The following MORN1 variants were observed in gnomAD, a reference collection of about 807,000 sequenced individuals.
MORN1 encodes MORN repeat-containing protein 1.
In MORN1, 67 loss-of-function variants were observed where a neutral mutation model predicts 61.9. That is an observed-to-expected ratio of 1.08 (90% CI 0.89 to 1.33). The LOEUF is 1.33. Ranked by LOEUF, MORN1 falls within the 40% of genes most tolerant of loss-of-function variation. The probability of loss-of-function intolerance (pLI) is 0.00; values close to 1 mark genes in which losing one functional copy is unlikely to be tolerated. For missense variants in MORN1, 752 were observed against 691.2 expected, an observed-to-expected ratio of 1.09 and a Z score of -0.99; for synonymous variants, 301 against 292.0, an observed-to-expected ratio of 1.03 and a Z score of -0.31.
At chr1:2,333,966 C>T (rs958528573) in intron 12 of MORN1, among the ~76,000 whole-genome samples, 18 of 152,162 alleles carry the variant, frequency 1.2e-4, no homozygotes, top group Non-Finnish European at 2.4e-4. Flanking sequence ...CAGGTCTGGA[C>T]GCTGGTTGGG....
chr1:2,371,256 C>T (rs1044162058), intron 8 of MORN1: 2 of 151,864 alleles, frequency 1.3e-5, no homozygotes, highest in Non-Finnish European at 2.9e-5. Flanking sequence ...GAAGAAAGAT[C>T]TCCTGGGCTC....
At chr1:2,358,457 C>T (rs1327131685) in intron 9 of MORN1, 135 bp downstream of exon 9, 16 of 1,199,116 alleles carry the variant, frequency 1.3e-5, no homozygotes, top group East Asian at 2.5e-5. Flanking sequence ...TTCCTTAGAA[C>T]AGACATCGAA....
intron 8 of MORN1, among the ~76,000 whole-genome samples, chr1:2,370,112 A>T (rs1642081902): frequency 6.6e-6 from 1 of 152,242 alleles, no homozygotes; most frequent in African/African-American, 2.4e-5. Flanking sequence ...GAATCCAGAT[A>T]GCGTGGCCCT....
chr1:2,357,375 C>A lies in MORN1; in HGVS notation c.1036+57G>T. The A allele has an allele frequency of 6.5e-7, 1 of 1,527,898 alleles. No homozygotes were observed. Among genetic ancestry groups the A allele is most frequent in the Non-Finnish European group, 8.8e-7 (1 of 1,132,906 alleles). 94.6% of individuals were successfully genotyped at this position (1,527,898 alleles called of 1,614,324 possible). A position where few individuals can be genotyped will look rare whatever the true frequency, so the allele number is the denominator to read the frequency against. On this transcript the variant is annotated intron_variant, in intron 10 of 13. Coordinates refer to ENST00000378531, the MANE Select transcript of MORN1 (RefSeq NM_024848.3). This position sits in a 1 kb window ranked among gnomAD's most constrained non-coding sequence, Gnocchi z 6.3. ...CTGGGTCCCCATGACCCCACCCCCA[C>A]CTTGACTGCTGGGCCTGGGCCCACC...
At chr1:2,353,947 A>G (rs927929340) in intron 10 of MORN1, among the ~76,000 whole-genome samples, 2 of 152,250 alleles carry the variant, frequency 1.3e-5, no homozygotes, top group Non-Finnish European at 2.9e-5. Context: ...AGCCCGATAA[A>G]TCAGTCCTAA....
chr1:2,391,376 G>A (rs1459538560), intron 1 of MORN1, 82 bp downstream of exon 1: 3 of 1,233,762 alleles, frequency 2.4e-6, no homozygotes, highest in Non-Finnish European at 3.1e-6. Context: ...GTGAGCATTT[G>A]GGGGTCGAGG....
At chr1:2,355,441 T>A in intron 10 of MORN1, 2 of 1,550,370 alleles carry the variant, frequency 1.3e-6, no homozygotes, top group East Asian at 4.9e-5. Context: ...AGGAGACTCG[T>A]CTGATCCTAG....
rs1229349436 is a variant in MORN1 at position 2,337,363 on chromosome 1, G to A, written c.1037-513C>T. 1.3e-5 allele frequency among the ~76,000 whole-genome samples: 2 copies of A among 152,178 alleles called. No homozygotes were observed. Among genetic ancestry groups the A allele is most frequent in the Non-Finnish European group, 2.9e-5 (2 of 68,020 alleles). On this transcript the variant is annotated intron_variant, in intron 10 of 13. Transcript: ENST00000378531. This position sits in a 1 kb window ranked among gnomAD's most constrained non-coding sequence, Gnocchi z 5.7. ...GGAGGGAGACACCGAGGGTGGCTGC[G>A]AGTCCCTCCACGTGGCGGCAGACCC...
chr1:2,358,733 C>T lies in MORN1; in HGVS notation c.746-18G>A. On this transcript the variant is annotated intron_variant, in intron 8 of 13. Coordinates refer to ENST00000378531, the MANE Select transcript of MORN1 (RefSeq NM_024848.3). ...GCTCTCGCCTTCCAGGAGAGAGGAG[C>T]AGGCAGTGAACACTCACAGGCACCC... The T allele has an allele frequency of 1.2e-6, 2 of 1,600,522 alleles. No individual in the cohort carries two copies. The highest frequency in any genetic ancestry group is 2.2e-5 in the South Asian group (2 of 89,580).
intron 12 of MORN1, among the ~76,000 whole-genome samples, chr1:2,324,552 G>C (rs1400503512): frequency 2.6e-5 from 4 of 152,206 alleles, no homozygotes; most frequent in Non-Finnish European, 5.9e-5. Flanking sequence ...GAGCGACTTA[G>C]GAGCGGCGGA....
At chr1:2,378,595 CGT>C (rs1642297869) in intron 6 of MORN1, 1 of 246,592 alleles carries the variant, frequency 4.1e-6, no homozygotes, top group Non-Finnish European at 8.1e-6. Context: ...GGAAAGCTGG[CGT>C]GTGAGACAGC....
chr1:2,364,078 T>C (rs1192716706), intron 8 of MORN1, among the ~76,000 whole-genome samples: 11 of 152,138 alleles, frequency 7.2e-5, no homozygotes, highest in Non-Finnish European at 1.3e-4. Flanking sequence ...TTTAAAAACA[T>C]AGGCAGGTTA....
chr1:2,336,150 G>A (rs796575734), intron 12 of MORN1, among the ~76,000 whole-genome samples: 18 of 152,314 alleles, frequency 1.2e-4, no homozygotes, highest in Middle Eastern at 3.4e-3. Context: ...GAGAGGCCCC[G>A]CACCCCTCCT....
Position 2,384,974 on chromosome 1 carries a change from G to GT in MORN1, c.537+3dup, listed in dbSNP as rs762841519. 1.5e-5 allele frequency: 23 copies of GT among 1,567,980 alleles called. No individual in the cohort carries two copies. The highest frequency in any genetic ancestry group is 2.0e-5 in the Non-Finnish European group (23 of 1,156,968). On this transcript the variant is annotated splice_donor_region_variant and intron_variant, in intron 6 of 13. Transcript: ENST00000378531. ...GGCAGCAGGTGCCGCGCGCCCCCGG[G>GT]TACCTTGTAGGTGGAGCCGTCGGCG...
chr1:2,390,766 TGAGAC>T, intron 1 of MORN1: 4 of 964,570 alleles, frequency 4.1e-6, no homozygotes, highest in South Asian at 4.9e-5. Flanking sequence ...TTTTTTTTTT[TGAGAC>T]TGAGTCTTGC....
chr1:2,348,712 C>CACA (rs1261784991), intron 10 of MORN1, among the ~76,000 whole-genome samples: 2 of 144,848 alleles, frequency 1.4e-5, no homozygotes, highest in Admixed American at 1.4e-4. Context: ...CACACGCACA[C>CACA]CTGCGCGGGC....
chr1:2,381,227 G>A (rs1009353926), intron 6 of MORN1, among the ~76,000 whole-genome samples: 2 of 152,252 alleles, frequency 1.3e-5, no homozygotes, highest in Admixed American at 6.5e-5. Context: ...AGGCGGCCCC[G>A]GCCCAGTCCT....
At chr1:2,379,377 G>C (rs562265782) in intron 6 of MORN1, 2 of 354,280 alleles carry the variant, frequency 5.6e-6, no homozygotes, top group African/African-American at 4.3e-5. Flanking sequence ...TTGGGGTGTG[G>C]CTGGAGGGGC....
intron 13 of MORN1, chr1:2,322,995 C>G (rs1412629649): frequency 2.0e-6 from 2 of 985,362 alleles, no homozygotes; most frequent in Admixed American, 6.1e-5. Flanking sequence ...CAAGTGGCCC[C>G]TGAATCGGAT....
Sources: allele counts gnomAD v4.1 joint callset (sites outside exome capture counted in the v4.1 genomes callset), GRCh38; gene constraint gnomAD v4.1.1; non-coding constraint Gnocchi (gnomAD v3.1); transcripts MANE v1.5; gene names NCBI Gene and HGNC (gene_info 2026-07-23, HGNC 2026-07-21).